The following TMBIM4 variants were observed in gnomAD, a reference collection of about 807,000 sequenced individuals.
The protein encoded by TMBIM4 is protein lifeguard 4.
Under a neutral mutation model 27.7 loss-of-function variants are expected in TMBIM4, and 28 were observed. That is an observed-to-expected ratio of 1.01 (90% CI 0.75 to 1.38). The LOEUF is 1.38. Ranked by LOEUF, TMBIM4 falls within the 40% of genes most tolerant of loss-of-function variation. The pLI is 0.00. For synonymous variants in TMBIM4, 115 were observed against 113.1 expected (o/e 1.02, Z -0.11); for missense variants, 265 against 277.5 (o/e 0.95, Z 0.32).
At chr12:66,169,496 G>A (rs1038454122) in intron 1 of TMBIM4, 1 of 486,876 alleles carries the variant, frequency 2.1e-6, no homozygotes, top group East Asian at 3.5e-5. Flanking sequence ...GTGATCAACC[G>A]ACTCATTTCC....
chr12:66,169,279 T>C (rs2052189901), intron 1 of TMBIM4: 1 of 699,550 alleles, frequency 1.4e-6, no homozygotes, highest in Non-Finnish European at 2.6e-6. Context: ...TAAAACACAA[T>C]TTAGACTGAC....
chr12:66,159,155 G>A (rs917620004), intron 1 of TMBIM4, among the ~76,000 whole-genome samples: 1 of 152,182 alleles, frequency 6.6e-6, no homozygotes, highest in Non-Finnish European at 1.5e-5. Context: ...CCCTCCCCTT[G>A]AGTATGGACT....
At chr12:66,157,469 T>C (rs1031078006) in intron 1 of TMBIM4, among the ~76,000 whole-genome samples, 7 of 152,186 alleles carry the variant, frequency 4.6e-5, no homozygotes, top group African/African-American at 1.7e-4. Context: ...TCTCAGAAAC[T>C]GAGATAATGT....
chr12:66,140,355 AAC>A (rs1207127153), intron 5 of TMBIM4, among the ~76,000 whole-genome samples: 3 of 152,216 alleles, frequency 2.0e-5, no homozygotes, highest in East Asian at 3.8e-4. Context: ...CAATATATGA[AAC>A]ACAAATATTC....
At chr12:66,165,146 G>A (rs2052104523) in intron 1 of TMBIM4, among the ~76,000 whole-genome samples, 1 of 151,996 alleles carries the variant, frequency 6.6e-6, no homozygotes, top group South Asian at 2.1e-4. Flanking sequence ...ACCTACTTTG[G>A]GTAGATTTAA....
At position 66,137,956 on chromosome 12, in the gene TMBIM4, T is replaced by C; in HGVS notation, c.*4A>G. On this transcript the variant is annotated 3_prime_UTR_variant, in exon 7 of 7. Coordinates refer to ENST00000358230, the MANE Select transcript of TMBIM4 (RefSeq NM_016056.4). The stretch of plus-strand genomic sequence containing the variant: ...GTTCTTCAGTTGAGCTGAGATACTT[T>C]TAATTACTTTTTATTAACTGCTTCC... 6.2e-7 allele frequency: 1 copy of C among 1,612,282 alleles called. No individual in the cohort carries two copies. Among genetic ancestry groups the C allele is most frequent in the South Asian group, 1.1e-5 (1 of 90,424 alleles).
In TMBIM4 at chr12:66,153,331, T is replaced by C; in HGVS notation, c.206+9A>G. The C allele has an allele frequency of 6.8e-7, 1 of 1,465,542 alleles. No homozygotes were observed. 90.8% of individuals were successfully genotyped at this position (1,465,542 alleles called of 1,614,324 possible). ...CTGAAAATTATTCATTACCATCTCA[T>C]TACCTTACCTCTCATGTACAAATGT... On this transcript the variant is annotated intron_variant, in intron 2 of 6. Transcript: ENST00000358230.
At chr12:66,149,457 A>G (rs1240406804) in intron 3 of TMBIM4, among the ~76,000 whole-genome samples, 1 of 151,294 alleles carries the variant, frequency 6.6e-6, no homozygotes, top group Non-Finnish European at 1.5e-5. Flanking sequence ...AAAAAAAAAA[A>G]AAAAAAAGAA....
At chr12:66,156,924 C>G (rs1231681386) in intron 1 of TMBIM4, among the ~76,000 whole-genome samples, 1 of 152,084 alleles carries the variant, frequency 6.6e-6, no homozygotes, top group Non-Finnish European at 1.5e-5. Context: ...CTTCTAAGAC[C>G]AAGTCATAAA....
rs557228490 is a variant in TMBIM4 at position 66,161,903 on chromosome 12, T to G, written c.97+7952A>C. 2.0e-5 allele frequency among the ~76,000 whole-genome samples: 3 copies of G among 152,278 alleles called. No homozygotes were observed. The East Asian group carries it at 5.8e-4, about 29-fold the overall frequency. ...ATAATTGCTTGACCCTTAAAACCAC[T>G]TGATATAGTTGGAAGAGCAGCCAAC... On this transcript the variant is annotated intron_variant, in intron 1 of 6. Transcript: ENST00000358230.
rs543622535 is a variant in TMBIM4 at position 66,145,968 on chromosome 12, T to A, written c.347-10A>T. On this transcript the variant is annotated splice_polypyrimidine_tract_variant and intron_variant, in intron 4 of 6. Coordinates refer to ENST00000358230, the MANE Select transcript of TMBIM4 (RefSeq NM_016056.4). Reference sequence around the variant, plus strand: ...ACATCATAGAAAGTAACTGTAAAATTAAAACACTGATTAACATGCATATAA... The same window carrying A: ...ACATCATAGAAAGTAACTGTAAAATAAAAACACTGATTAACATGCATATAA... 1 of 1,403,206 alleles carries A rather than the reference T, an allele frequency of 7.1e-7. No homozygotes were observed. The highest frequency in any genetic ancestry group is 1.2e-5 in the South Asian group (1 of 84,232). 86.9% of individuals were successfully genotyped at this position (1,403,206 alleles called of 1,614,324 possible).
At chr12:66,147,096 T>G (rs908583486) in intron 4 of TMBIM4, among the ~76,000 whole-genome samples, 1 of 152,032 alleles carries the variant, frequency 6.6e-6, no homozygotes, top group African/African-American at 2.4e-5. Flanking sequence ...AATACTTCCT[T>G]TCTCTGTTAA....
chr12:66,169,051 T>C, intron 1 of TMBIM4: 1 of 369,774 alleles, frequency 2.7e-6, no homozygotes, highest in Non-Finnish European at 4.9e-6. Flanking sequence ...CATCTTTCCT[T>C]TTCCAGAACA....
chr12:66,151,825 TGATAA>T (rs1306864108), intron 3 of TMBIM4, among the ~76,000 whole-genome samples: 3 of 152,062 alleles, frequency 2.0e-5, no homozygotes, highest in Admixed American at 1.3e-4. Flanking sequence ...AAGATCAGAG[TGATAA>T]GATAATAACA....
intron 2 of TMBIM4, 86 bp downstream of exon 2, chr12:66,153,247 AAGTTAAT>A: frequency 1.3e-6 from 1 of 773,674 alleles, no homozygotes; most frequent in Non-Finnish European, 2.1e-6. Context: ...TTAACCTCAA[AAGTTAAT>A]AGAAAAAAGT....
chr12:66,158,414 G>A (rs964101290), intron 1 of TMBIM4, among the ~76,000 whole-genome samples: 1 of 151,964 alleles, frequency 6.6e-6, no homozygotes. Flanking sequence ...GCCAAGGCGG[G>A]CAGATCACGA....
At position 66,137,948 on chromosome 12, in the gene TMBIM4, A is replaced by G. The variant is rs752145390; in HGVS notation, c.*12T>C. 6.8e-6 allele frequency: 11 copies of G among 1,610,568 alleles called. No individual in the cohort carries two copies. The South Asian group carries it at 1.2e-4, about 18-fold the overall frequency. ...TTTTTGTTGTTCTTCAGTTGAGCTGAGATACTTTTAATTACTTTTTATTAA... is the reference window on the plus strand; with the variant it reads ...TTTTTGTTGTTCTTCAGTTGAGCTGGGATACTTTTAATTACTTTTTATTAA... On this transcript the variant is annotated 3_prime_UTR_variant, in exon 7 of 7. Coordinates refer to ENST00000358230, the MANE Select transcript of TMBIM4 (RefSeq NM_016056.4).
At chr12:66,163,640 C>T (rs1438700642) in intron 1 of TMBIM4, among the ~76,000 whole-genome samples, 1 of 152,140 alleles carries the variant, frequency 6.6e-6, no homozygotes, top group African/African-American at 2.4e-5. Flanking sequence ...CTGGTCCCTC[C>T]CACAACACGT....
At position 66,138,924 on chromosome 12, in the gene TMBIM4, C is replaced by T. The variant is rs1263097808; in HGVS notation, c.465-155G>A. 3.7e-6 allele frequency: 4 copies of T among 1,087,824 alleles called. No individual in the cohort carries two copies. The African/African-American group carries it at 6.6e-5, about 18-fold the overall frequency. The allele number at this position is 1,087,824 out of a possible 1,614,324, so 67.4% of individuals were successfully genotyped here. On this transcript the variant is annotated intron_variant, in intron 5 of 6. Coordinates refer to ENST00000358230, the MANE Select transcript of TMBIM4 (RefSeq NM_016056.4). ...TTGTAAACATACAATGAATATAATG[C>T]CCATCTTGGATCTTTTTTTTAAAGA...
Sources: gnomAD v4.1 joint callset for allele counts (sites outside exome capture counted in the v4.1 genomes callset) on GRCh38, gnomAD v4.1.1 for gene constraint, MANE v1.5 for transcripts, NCBI Gene and HGNC (gene_info 2026-07-23, HGNC 2026-07-21) for gene names.